Variants in PHACTR3 observed in about 807,000 individuals in gnomAD.
The protein encoded by PHACTR3 is phosphatase and actin regulator 3.
PHACTR3 carries 16 observed loss-of-function variants against 66.8 expected under a neutral mutation model. That is an observed-to-expected ratio of 0.24 (90% CI 0.16 to 0.36). The LOEUF is 0.36. PHACTR3 is among the 10% of genes least tolerant of loss of function. The pLI is 1.00. For synonymous variants in PHACTR3, 323 were observed against 292.1 expected (o/e 1.11, Z -1.08); for missense variants, 647 against 719.9 (o/e 0.90, Z 1.16).
chr20:59,819,860 C>T (rs998463826), intron 8 of PHACTR3, among the ~76,000 whole-genome samples: 3 of 152,222 alleles, frequency 2.0e-5, no homozygotes, highest in African/African-American at 7.2e-5. Context: ...CGGTGCTGTA[C>T]CGGTACTGGC....
At chr20:59,704,562 C>CTTTT (rs11331156) in intron 1 of PHACTR3, among the ~76,000 whole-genome samples, 6 of 89,468 alleles carry the variant, frequency 6.7e-5, no homozygotes, top group Non-Finnish European at 8.8e-5. Context: ...TGAGAATAGT[C>CTTTT]TTTTTTTTTT....
intron 8 of PHACTR3, among the ~76,000 whole-genome samples, chr20:59,813,094 A>G (rs1253078340): frequency 6.6e-6 from 1 of 152,176 alleles, no homozygotes; most frequent in East Asian, 1.9e-4. Flanking sequence ...TGAGGTGGTT[A>G]TGGTCCACGT....
intron 8 of PHACTR3, among the ~76,000 whole-genome samples, chr20:59,813,767 G>A (rs1232502495): frequency 6.6e-6 from 1 of 152,066 alleles, no homozygotes; most frequent in Admixed American, 6.5e-5. Context: ...GAAGACTGGA[G>A]GGGCCATGGG....
At chr20:59,649,349 C>T (rs1362978193) in intron 1 of PHACTR3, among the ~76,000 whole-genome samples, 1 of 152,190 alleles carries the variant, frequency 6.6e-6, no homozygotes, top group Non-Finnish European at 1.5e-5. Context: ...AAGCATGTGT[C>T]TTAATTTAAT....
At chr20:59,831,110 T>C (rs552623131) in intron 8 of PHACTR3, among the ~76,000 whole-genome samples, 48 of 152,132 alleles carry the variant, frequency 3.2e-4, no homozygotes, top group Non-Finnish European at 6.5e-4. Flanking sequence ...TACAGATCTG[T>C]CGTGTGAGAG....
chr20:59,841,912 G>C (rs945496078), intron 11 of PHACTR3, among the ~76,000 whole-genome samples: 6 of 152,094 alleles, frequency 3.9e-5, no homozygotes, highest in African/African-American at 1.4e-4. Flanking sequence ...CTTGGTATAA[G>C]GGATAAATCA....
chr20:59,648,079 C>T (rs1307413011), intron 1 of PHACTR3, among the ~76,000 whole-genome samples: 4 of 152,188 alleles, frequency 2.6e-5, no homozygotes, highest in African/African-American at 9.7e-5. Context: ...GTTGAGAAAC[C>T]TACCCAGACT....
At chr20:59,666,111 T>C (rs1358049148) in intron 1 of PHACTR3, among the ~76,000 whole-genome samples, 17 of 152,274 alleles carry the variant, frequency 1.1e-4, no homozygotes, top group African/African-American at 4.1e-4. Flanking sequence ...CAGGGAGGCA[T>C]GGCGGCCTGA....
intron 1 of PHACTR3, among the ~76,000 whole-genome samples, chr20:59,700,902 G>A (rs915767544): frequency 2.6e-5 from 4 of 152,016 alleles, no homozygotes; most frequent in South Asian, 2.1e-4. Flanking sequence ...GGATCCTCCC[G>A]CCTCAGCCTC....
intron 8 of PHACTR3, among the ~76,000 whole-genome samples, chr20:59,817,030 C>T (rs546084676): frequency 7.2e-5 from 11 of 152,238 alleles, no homozygotes; most frequent in South Asian, 2.1e-4. Flanking sequence ...TGTCTCAGCA[C>T]GCACAGTGGG....
chr20:59,660,470 G>C (rs1183215159), intron 1 of PHACTR3, among the ~76,000 whole-genome samples: 1 of 152,186 alleles, frequency 6.6e-6, no homozygotes, highest in Non-Finnish European at 1.5e-5. Context: ...CTCCAGCCTG[G>C]GGGACAGCGA....
At chr20:59,651,688 A>G (rs1203101811) in intron 1 of PHACTR3, among the ~76,000 whole-genome samples, 1 of 152,240 alleles carries the variant, frequency 6.6e-6, no homozygotes, top group Non-Finnish European at 1.5e-5. Flanking sequence ...AAATAATGGC[A>G]TAGCCAGACA....
intron 1 of PHACTR3, among the ~76,000 whole-genome samples, chr20:59,592,259 C>T (rs905664423): frequency 3.9e-5 from 6 of 152,148 alleles, no homozygotes; most frequent in East Asian, 1.9e-4. Context: ...TATTCCACTC[C>T]GGCCTTTGCA....
intron 1 of PHACTR3, among the ~76,000 whole-genome samples, chr20:59,742,885 C>T (rs894139687): frequency 2.0e-5 from 3 of 152,130 alleles, no homozygotes; most frequent in Admixed American, 6.5e-5. Context: ...TTCTGGTGGC[C>T]GTGAGTGGGT....
Position 59,636,090 on chromosome 20 carries a change from C to T in PHACTR3, c.118+30958C>T, listed in dbSNP as rs114958343. On this transcript the variant is annotated intron_variant, in intron 1 of 12. Transcript: ENST00000371015. Reference sequence around the variant, plus strand: ...TTTCTTCCTTGTGCCAATCTGCTGGCGAAAAATTGCTTGTCTATATTTTCA... The same window carrying T: ...TTTCTTCCTTGTGCCAATCTGCTGGTGAAAAATTGCTTGTCTATATTTTCA... Among the ~76,000 whole-genome samples, 110 of 152,252 alleles carry T rather than the reference C, an allele frequency of 7.2e-4. 1 individual carries two copies. Among genetic ancestry groups the T allele is most frequent in the Middle Eastern group, 3.4e-3 (1 of 294 alleles).
upstream of PHACTR3, among the ~76,000 whole-genome samples, chr20:59,601,430 C>A (rs1277511446): frequency 6.6e-6 from 1 of 152,190 alleles, no homozygotes. Context: ...TTGTTCATTC[C>A]AATAGGGTTT....
intron 1 of PHACTR3, among the ~76,000 whole-genome samples, chr20:59,607,507 G>A (rs961347459): frequency 6.6e-6 from 1 of 152,188 alleles, no homozygotes; most frequent in Non-Finnish European, 1.5e-5. Context: ...AAGAGTCCAA[G>A]GTTGCGTTCA....
chr20:59,587,172 A>G (rs2033055890), intron 1 of PHACTR3, among the ~76,000 whole-genome samples: 1 of 152,170 alleles, frequency 6.6e-6, no homozygotes, highest in Non-Finnish European at 1.5e-5. Flanking sequence ...CTACAGGTGG[A>G]CACTGGGATG....
chr20:59,790,916 A>G (rs564762215), intron 7 of PHACTR3, among the ~76,000 whole-genome samples: 11 of 152,336 alleles, frequency 7.2e-5, no homozygotes, highest in East Asian at 3.9e-4. Context: ...GGAAGAGAAC[A>G]TAGTTCTTTG....
Sources: gnomAD v4.1 joint callset for allele counts (sites outside exome capture counted in the v4.1 genomes callset) on GRCh38, gnomAD v4.1.1 for gene constraint, MANE v1.5 for transcripts, NCBI Gene and HGNC (gene_info 2026-07-23, HGNC 2026-07-21) for gene names.